The following ARAP2 variants were observed in gnomAD, a reference collection of about 807,000 sequenced individuals.
ARAP2 encodes the protein arf-GAP with Rho-GAP domain, ANK repeat and PH domain-containing protein 2.
In ARAP2, 148 loss-of-function variants were observed where a neutral mutation model predicts 194.5. The observed-to-expected ratio is 0.76, with a 90% CI of 0.67 to 0.87. The LOEUF (loss-of-function observed/expected upper bound fraction) is 0.87, where lower values mean the gene tolerates loss of function less well. Ranked by LOEUF, ARAP2 falls within the 40% of genes least tolerant of loss-of-function variation. The pLI, the probability that ARAP2 is intolerant of heterozygous loss-of-function variation, is 0.00. For synonymous variants in ARAP2, 695 were observed against 683.5 expected (o/e 1.02, Z -0.26); for missense variants, 2,128 against 1,989.7 (o/e 1.07, Z -1.32).
At chr4:36,195,367 C>G (rs1201133708) in intron 6 of ARAP2, among the ~76,000 whole-genome samples, 1 of 152,196 alleles carries the variant, frequency 6.6e-6, no homozygotes, top group African/African-American at 2.4e-5. Flanking sequence ...AAATTCTCAG[C>G]ATTAAATGTT....
chr4:36,091,782 T>A (rs1223495090), intron 28 of ARAP2, 99 bp downstream of exon 28: 1 of 1,306,640 alleles, frequency 7.7e-7, no homozygotes. Flanking sequence ...TTTTATATAC[T>A]ACAGGCAGTG....
At chr4:36,232,328 C>T (rs1751642436) in intron 1 of ARAP2, among the ~76,000 whole-genome samples, 1 of 152,216 alleles carries the variant, frequency 6.6e-6, no homozygotes, top group Admixed American at 6.5e-5. Context: ...AGTCAGTGAA[C>T]TATCAAACAC....
chr4:36,088,003 A>G (rs1712385431), intron 28 of ARAP2, among the ~76,000 whole-genome samples: 1 of 152,098 alleles, frequency 6.6e-6, no homozygotes, highest in South Asian at 2.1e-4. Flanking sequence ...ATAAAATGAG[A>G]TAATCCAAAT....
At chr4:36,010,313 T>C (rs1399944787) in intron 9 of ARAP2, among the ~76,000 whole-genome samples, 1 of 151,908 alleles carries the variant, frequency 6.6e-6, no homozygotes, top group African/African-American at 2.4e-5. Flanking sequence ...TTGAAATCAT[T>C]GAAAAGAAAT....
At chr4:36,233,562 C>G (rs528913787) in intron 1 of ARAP2, among the ~76,000 whole-genome samples, 1 of 152,340 alleles carries the variant, frequency 6.6e-6, no homozygotes, top group South Asian at 2.1e-4. Context: ...ATACTGCACA[C>G]AAGTTTGCAG....
At chr4:36,023,143 T>C (rs1387822396) in intron 5 of ARAP2, among the ~76,000 whole-genome samples, 3 of 152,168 alleles carry the variant, frequency 2.0e-5, no homozygotes, top group Non-Finnish European at 4.4e-5. Flanking sequence ...ACAGACAAGA[T>C]ATGATAAAAC....
Position 36,060,521 on chromosome 4 carries a change from A to C in ARAP2, n.148-2378T>G, listed in dbSNP as rs146935595. 1.7e-3 allele frequency among the ~76,000 whole-genome samples: 254 copies of C among 152,296 alleles called. 1 individual carries two copies. Among genetic ancestry groups the C allele is most frequent in the African/African-American group, 6.0e-3 (248 of 41,564 alleles). On this transcript the variant is annotated intron_variant and non_coding_transcript_variant, in intron 1 of 12. Transcript: ENST00000503225. ...TGAGATTTGGAGCAACAAGAGCACA[A>C]GGACTAATTATTTCAAGTACCAGAG...
At chr4:36,129,719 C>A (rs1724938161) in intron 20 of ARAP2, among the ~76,000 whole-genome samples, 1 of 151,768 alleles carries the variant, frequency 6.6e-6, no homozygotes, top group Non-Finnish European at 1.5e-5. Context: ...TCTCTTCCTG[C>A]CCACTGGGTG....
At chr4:36,013,786 A>G (rs1577528829) in intron 8 of ARAP2, among the ~76,000 whole-genome samples, 1 of 152,186 alleles carries the variant, frequency 6.6e-6, no homozygotes, top group Non-Finnish European at 1.5e-5. Flanking sequence ...AATTATAGGA[A>G]AAACATATAT....
chr4:36,008,054 A>C (rs1713675798), intron 9 of ARAP2, among the ~76,000 whole-genome samples: 1 of 152,182 alleles, frequency 6.6e-6, no homozygotes, highest in Non-Finnish European at 1.5e-5. Context: ...CAACACAAAT[A>C]AATTGAAAAA....
intron 1 of ARAP2, among the ~76,000 whole-genome samples, chr4:36,235,933 T>C (rs1752359060): frequency 2.0e-5 from 3 of 152,066 alleles, no homozygotes; most frequent in African/African-American, 7.2e-5. Flanking sequence ...TTGCAGCGCT[T>C]TGGGAGGCAG....
chr4:36,088,247 AC>A (rs1712467392), intron 28 of ARAP2, among the ~76,000 whole-genome samples: 1 of 152,078 alleles, frequency 6.6e-6, no homozygotes. Flanking sequence ...ATATGCAAGG[AC>A]CGTGATTAAA....
intron 7 of ARAP2, among the ~76,000 whole-genome samples, chr4:36,192,056 C>T (rs908901607): frequency 1.1e-4 from 16 of 152,038 alleles, no homozygotes; most frequent in Admixed American, 8.5e-4. Context: ...CTGTTAACAC[C>T]GGGTCACCCA....
intron 6 of ARAP2, among the ~76,000 whole-genome samples, chr4:36,202,526 T>C (rs1046494797): frequency 4.0e-5 from 6 of 151,824 alleles, no homozygotes; most frequent in African/African-American, 1.4e-4. Flanking sequence ...CATAAAATTC[T>C]AGGGGCTAAA....
At chr4:36,169,378 T>A (rs1272714229) in intron 9 of ARAP2, among the ~76,000 whole-genome samples, 1 of 152,184 alleles carries the variant, frequency 6.6e-6, no homozygotes, top group Non-Finnish European at 1.5e-5. Flanking sequence ...TTATGGAAAC[T>A]GATGAGCCTC....
chr4:36,024,411 G>A (rs182410168), intron 5 of ARAP2, among the ~76,000 whole-genome samples: 15 of 152,236 alleles, frequency 9.9e-5, no homozygotes, highest in African/African-American at 2.6e-4. Context: ...GAAAATATTG[G>A]AATGCATAAG....
downstream of ARAP2, chr4:36,065,289 CT>C: frequency 2.1e-6 from 1 of 468,888 alleles, no homozygotes; most frequent in East Asian, 6.1e-5. Context: ...CCATGTCACC[CT>C]TGACCTCATG....
chr4:36,091,049 T>C (rs933138877), intron 28 of ARAP2, among the ~76,000 whole-genome samples: 1 of 152,122 alleles, frequency 6.6e-6, no homozygotes, highest in African/African-American at 2.4e-5. Flanking sequence ...GTATATATAA[T>C]ACACATATAA....
At chr4:36,153,225 G>A (rs1731420240) in intron 15 of ARAP2, among the ~76,000 whole-genome samples, 1 of 152,148 alleles carries the variant, frequency 6.6e-6, no homozygotes, top group Non-Finnish European at 1.5e-5. Context: ...CAAGGCAGGT[G>A]CACGTATTGT....
Sources: gnomAD v4.1 joint callset for allele counts (sites outside exome capture counted in the v4.1 genomes callset) on GRCh38, gnomAD v4.1.1 for gene constraint, MANE v1.5 for transcripts, NCBI Gene and HGNC (gene_info 2026-07-23, HGNC 2026-07-21) for gene names.